NPAS3: variants seen among roughly 807,000 people sequenced by gnomAD.
NPAS3 encodes neuronal PAS domain-containing protein 3.
NPAS3 carries 14 observed loss-of-function variants against 73.1 expected under a neutral mutation model. The observed-to-expected ratio is 0.19, with a 90% CI of 0.13 to 0.30. The LOEUF (loss-of-function observed/expected upper bound fraction) is 0.30, where lower values mean the gene tolerates loss of function less well. Ranked by LOEUF, NPAS3 falls within the 10% of genes least tolerant of loss-of-function variation. The probability of loss-of-function intolerance (pLI) is 1.00; values close to 1 mark genes in which losing one functional copy is unlikely to be tolerated. For missense variants in NPAS3, 1,096 were observed against 1,250.0 expected (o/e 0.88, Z 1.86); for synonymous variants, 620 against 541.5 (o/e 1.14, Z -2.01).
At chr14:33,373,801 G>C (rs943798197) in intron 4 of NPAS3, among the ~76,000 whole-genome samples, 4 of 152,050 alleles carry the variant, frequency 2.6e-5, no homozygotes, top group Admixed American at 6.6e-5. Context: ...AAACCTGAAA[G>C]AGAATTCCAT....
chr14:33,460,719 T>A (rs981205319), intron 4 of NPAS3, among the ~76,000 whole-genome samples: 5 of 152,196 alleles, frequency 3.3e-5, no homozygotes, highest in Admixed American at 2.0e-4. Flanking sequence ...GTTGTGGTTG[T>A]CGTCGTTTTG....
At chr14:33,770,161 C>G (rs2062606850) in intron 7 of NPAS3, among the ~76,000 whole-genome samples, 1 of 152,186 alleles carries the variant, frequency 6.6e-6, no homozygotes, top group African/African-American at 2.4e-5. Flanking sequence ...GACAGGGGGA[C>G]TTTTCAAGAC....
At chr14:33,266,640 A>G (rs1381613514) in intron 3 of NPAS3, among the ~76,000 whole-genome samples, 1 of 152,186 alleles carries the variant, frequency 6.6e-6, no homozygotes, top group Non-Finnish European at 1.5e-5. Context: ...AGATAAGAAA[A>G]CTGAGGCTCA....
intron 2 of NPAS3, among the ~76,000 whole-genome samples, chr14:33,093,640 A>C (rs1442608952): frequency 6.6e-6 from 1 of 152,134 alleles, no homozygotes; most frequent in Non-Finnish European, 1.5e-5. Flanking sequence ...AAGGATTATA[A>C]ATCATGCTGC....
rs1240528184 is a variant in NPAS3, at chr14:33,659,729, G to T, written c.559-16482G>T. Reference sequence around the variant, plus strand: ...CTTTAATAATCTCTATTTCATCTAAGGAAGCAAAAAAAAAAGTAGCATTAG... The same window carrying T: ...CTTTAATAATCTCTATTTCATCTAATGAAGCAAAAAAAAAAGTAGCATTAG... On this transcript the variant is annotated intron_variant, in intron 5 of 11. Transcript: ENST00000356141. Among the ~76,000 whole-genome samples, 3 of 151,530 alleles carry T rather than the reference G, an allele frequency of 2.0e-5. No individual in the cohort carries two copies. The East Asian group carries it at 5.8e-4, about 29-fold the overall frequency.
intron 3 of NPAS3, among the ~76,000 whole-genome samples, chr14:33,247,580 C>A (rs1048423664): frequency 6.6e-6 from 1 of 152,034 alleles, no homozygotes; most frequent in South Asian, 2.1e-4. Flanking sequence ...CTTGTAAATT[C>A]TTGCTACTTT....
chr14:33,299,294 G>A (rs74042024), intron 3 of NPAS3, among the ~76,000 whole-genome samples: 4,001 of 152,244 alleles, frequency 0.026, 168 homozygotes, highest in African/African-American at 0.09. Flanking sequence ...ATGGGTTTGC[G>A]ATTCAGTTTT....
intron 4 of NPAS3, among the ~76,000 whole-genome samples, chr14:33,377,855 A>G (rs1365803475): frequency 6.6e-6 from 1 of 152,210 alleles, no homozygotes; most frequent in Non-Finnish European, 1.5e-5. Context: ...TGAAAGTACT[A>G]AGCTTCAGTT....
At chr14:32,990,006 G>C (rs576329416) in intron 1 of NPAS3, among the ~76,000 whole-genome samples, 6 of 152,196 alleles carry the variant, frequency 3.9e-5, no homozygotes, top group Non-Finnish European at 8.8e-5. Context: ...GAATGGATAT[G>C]AGGGGTGAGG....
At chr14:33,278,595 T>G (rs977162932) in intron 3 of NPAS3, among the ~76,000 whole-genome samples, 1 of 152,012 alleles carries the variant, frequency 6.6e-6, no homozygotes, top group Non-Finnish European at 1.5e-5. Flanking sequence ...TTTGAGGATA[T>G]AAAAACCACT....
chr14:33,175,089 C>T (rs140619039), intron 2 of NPAS3, among the ~76,000 whole-genome samples: 19 of 152,054 alleles, frequency 1.2e-4, no homozygotes, highest in Middle Eastern at 3.4e-3. Context: ...CTGATACTTA[C>T]GCAAAGATTT....
At position 33,095,657 on chromosome 14, in the gene NPAS3, CTTTTATTTTTTTATTTT is replaced by C. The variant is rs1157897718; in HGVS notation, c.140+39668_140+39684del. ...TACACAAAGGCGTGGGCATTCTCTGCTTTTATTTTTTTATTTTTTTTTTTTTTTTGAGAGGGAGTCTC... is the reference window on the plus strand; with the variant it reads ...TACACAAAGGCGTGGGCATTCTCTGCTTTTTTTTTTTTGAGAGGGAGTCTC... On this transcript the variant is annotated intron_variant, in intron 2 of 11. Transcript: ENST00000356141. Among the ~76,000 whole-genome samples the C allele has an allele frequency of 9.3e-4, 91 of 97,680 alleles. 11 individuals carry two copies. The highest frequency in any genetic ancestry group is 1.4e-3 in the Non-Finnish European group (70 of 49,606). 64.1% of individuals were successfully genotyped at this position (97,680 alleles called of 152,430 possible).
rs10709910 is a variant in NPAS3, at chr14:33,142,191, C to CT, written c.141-72968dup. Among the ~76,000 whole-genome samples, 372 of 38,082 alleles carry CT rather than the reference C, an allele frequency of 9.8e-3. 34 individuals are homozygous for CT. The highest frequency in any genetic ancestry group is 0.031 in the African/African-American group (289 of 9,178). 25.0% of individuals were successfully genotyped at this position (38,082 alleles called of 152,430 possible). ...TTTATTTTATTTTAATTTGTATAAG[C>CT]TTTTTTTTTTTTTTTTTTTTTTTAC... On this transcript the variant is annotated intron_variant, in intron 2 of 11. Transcript: ENST00000356141.
chr14:33,123,501 G>C (rs924128438), intron 2 of NPAS3, among the ~76,000 whole-genome samples: 1 of 152,110 alleles, frequency 6.6e-6, no homozygotes, highest in Non-Finnish European at 1.5e-5. Context: ...TTGCTGAAGT[G>C]GGTGGGGGCA....
chr14:33,561,921 T>A (rs1395934647), intron 5 of NPAS3, among the ~76,000 whole-genome samples: 2 of 152,222 alleles, frequency 1.3e-5, no homozygotes, highest in Non-Finnish European at 2.9e-5. Flanking sequence ...TTTTCTGTAA[T>A]TGAGATGTGT....
intron 4 of NPAS3, among the ~76,000 whole-genome samples, chr14:33,409,047 CT>C (rs996256593): frequency 6.6e-6 from 1 of 152,170 alleles, no homozygotes; most frequent in African/African-American, 2.4e-5. Flanking sequence ...CTTCTAAGTT[CT>C]CCCACTGATA....
At chr14:33,199,555 G>A (rs8012496) in intron 2 of NPAS3, among the ~76,000 whole-genome samples, 32,053 of 151,958 alleles carry the variant, frequency 0.21, 3,800 homozygotes, top group South Asian at 0.38. Context: ...CACCTCCAGA[G>A]TGTAGAAAGG....
At chr14:33,082,021 C>A (rs74775070) in intron 2 of NPAS3, among the ~76,000 whole-genome samples, 2 of 152,032 alleles carry the variant, frequency 1.3e-5, no homozygotes, top group African/African-American at 4.8e-5. Flanking sequence ...ATTGGTCATG[C>A]CAGTGAGAAA....
intron 5 of NPAS3, among the ~76,000 whole-genome samples, chr14:33,582,808 T>A (rs905783587): frequency 6.6e-6 from 1 of 152,202 alleles, no homozygotes; most frequent in Admixed American, 6.5e-5. Flanking sequence ...GAGAAATCCC[T>A]GTCTTAAATC....
Sources: gnomAD v4.1 joint callset for allele counts (sites outside exome capture counted in the v4.1 genomes callset) on GRCh38, gnomAD v4.1.1 for gene constraint, MANE v1.5 for transcripts, NCBI Gene and HGNC (gene_info 2026-07-23, HGNC 2026-07-21) for gene names.